Variants in STK32B observed in about 807,000 individuals in gnomAD.
The protein encoded by STK32B is serine/threonine kinase 32B, also known as serine/threonine-protein kinase 32B.
In STK32B, 43 loss-of-function variants were observed where a neutral mutation model predicts 52.6. The ratio of observed to expected loss-of-function variants is 0.82; its 90% CI spans 0.64 to 1.05. The LOEUF (loss-of-function observed/expected upper bound fraction) is 1.05. Ranked by LOEUF, STK32B falls within the 50% of genes least tolerant of loss-of-function variation. STK32B has a pLI of 0.00. For missense variants in STK32B, 621 were observed against 534.6 expected (o/e 1.16, Z -1.59); for synonymous variants, 238 against 204.3 (o/e 1.17, Z -1.41).
intron 6 of STK32B, among the ~76,000 whole-genome samples, chr4:5,417,224 C>T (rs1200539701): frequency 6.6e-6 from 1 of 152,214 alleles, no homozygotes; most frequent in Non-Finnish European, 1.5e-5. Flanking sequence ...ATTTTCTTTT[C>T]CATTTATGTT....
intron 3 of STK32B, among the ~76,000 whole-genome samples, chr4:5,228,749 C>G (rs1044235250): frequency 6.6e-6 from 1 of 152,152 alleles, no homozygotes; most frequent in African/African-American, 2.4e-5. Context: ...GGGTGGATCA[C>G]CTGAGGTCAA....
chr4:5,369,076 T>C (rs73211161), intron 4 of STK32B, among the ~76,000 whole-genome samples: 99 of 152,130 alleles, frequency 6.5e-4, no homozygotes, highest in Non-Finnish European at 1.2e-3. Flanking sequence ...TCCTAGCCAA[T>C]GAGGTGTGAG....
At chr4:5,032,279 G>A in the STK32B span, among the ~76,000 whole-genome samples, 1 of 151,584 alleles carries the variant, frequency 6.6e-6, no homozygotes. Flanking sequence ...TTCGAGAGCA[G>A]TCTGGACAAC....
At position 5,154,168 on chromosome 4, in the gene STK32B, A is replaced by G. The variant is rs186913639; in HGVS notation, c.109-14131A>G. ...AATAATAATGGAATTTGAGAGTCCTACTAATCTATGGCTGGATGGCCTTTT... is the reference window on the plus strand; with the variant it reads ...AATAATAATGGAATTTGAGAGTCCTGCTAATCTATGGCTGGATGGCCTTTT... On this transcript the variant is annotated intron_variant, in intron 2 of 11. Coordinates refer to ENST00000282908, the MANE Select transcript of STK32B (RefSeq NM_018401.3). Among the ~76,000 whole-genome samples, 20 of 151,960 alleles carry G rather than the reference A, an allele frequency of 1.3e-4. No homozygotes were observed. The East Asian group carries it at 3.3e-3, about 25-fold the overall frequency.
chr4:5,093,409 A>G (rs1713203106), intron 1 of STK32B, among the ~76,000 whole-genome samples: 2 of 152,202 alleles, frequency 1.3e-5, no homozygotes, highest in South Asian at 2.1e-4. Flanking sequence ...TCCTGTTGCT[A>G]TTGTGGTGAG....
chr4:5,243,384 G>A (rs1725186854), intron 3 of STK32B, among the ~76,000 whole-genome samples: 1 of 152,136 alleles, frequency 6.6e-6, no homozygotes, highest in Non-Finnish European at 1.5e-5. Flanking sequence ...CTGTTTGTCT[G>A]TTATTGGTGT....
chr4:5,430,944 C>T (rs2109091200), intron 6 of STK32B, among the ~76,000 whole-genome samples: 1 of 152,294 alleles, frequency 6.6e-6, no homozygotes, highest in Admixed American at 6.5e-5. Context: ...TTTCTAGTTC[C>T]TTGACACTTG....
chr4:5,075,152 T>G (rs960240139), intron 1 of STK32B, among the ~76,000 whole-genome samples: 3 of 152,178 alleles, frequency 2.0e-5, no homozygotes, highest in African/African-American at 7.2e-5. Flanking sequence ...TAGTATAAAT[T>G]CTCAACAATG....
intron 3 of STK32B, among the ~76,000 whole-genome samples, chr4:5,218,232 G>C (rs186738965): frequency 1.3e-5 from 2 of 152,314 alleles, no homozygotes. Context: ...GATGTGAGTA[G>C]TGGCAAAGAA....
chr4:5,072,316 A>G (rs1032359268), intron 1 of STK32B, among the ~76,000 whole-genome samples: 3 of 152,038 alleles, frequency 2.0e-5, no homozygotes, highest in African/African-American at 4.8e-5. Flanking sequence ...GAAACCTCCA[A>G]TTGCACTCCT....
At chr4:5,232,519 G>C (rs1170158083) in intron 3 of STK32B, among the ~76,000 whole-genome samples, 1 of 152,098 alleles carries the variant, frequency 6.6e-6, no homozygotes, top group Non-Finnish European at 1.5e-5. Flanking sequence ...CAAGTTAAGG[G>C]ACTCCTTGAA....
At chr4:5,090,419 A>C (rs1167888349) in intron 1 of STK32B, among the ~76,000 whole-genome samples, 33 of 126,360 alleles carry the variant, frequency 2.6e-4, no homozygotes, top group Non-Finnish European at 3.9e-4. Flanking sequence ...TCTGTCACCC[A>C]GGCTAGAGTG....
In STK32B at chr4:5,396,131, A is replaced by G. The variant is rs1354156440; in HGVS notation, c.435-2076A>G. ...ACTGCAAAATCGGTGGCTTAAAACA[A>G]TACAAATTTATTCTCTCATAATTCC... On this transcript the variant is annotated intron_variant, in intron 4 of 11. Coordinates refer to ENST00000282908, the MANE Select transcript of STK32B (RefSeq NM_018401.3). The surrounding 1 kb of genome is among the most constrained non-coding windows in gnomAD (Gnocchi z 4.7). 1.3e-5 allele frequency among the ~76,000 whole-genome samples: 2 copies of G among 152,196 alleles called. No homozygotes were observed. Among genetic ancestry groups the G allele is most frequent in the African/African-American group, 2.4e-5 (1 of 41,448 alleles).
intron 3 of STK32B, among the ~76,000 whole-genome samples, chr4:5,304,740 C>T (rs1004134689): frequency 6.6e-6 from 1 of 151,686 alleles, no homozygotes; most frequent in African/African-American, 2.4e-5. Context: ...GTGGTGAAAG[C>T]GGGCATCCTT....
chr4:5,270,153 A>G (rs1170681734), intron 3 of STK32B, among the ~76,000 whole-genome samples: 1 of 152,214 alleles, frequency 6.6e-6, no homozygotes, highest in Non-Finnish European at 1.5e-5. Context: ...CTAGAGGGAC[A>G]GAATGAATAG....
Position 5,317,263 on chromosome 4 carries a change from TATATATA to T in STK32B, c.261-13948_261-13942del, listed in dbSNP as rs1264336110. On this transcript the variant is annotated intron_variant, in intron 3 of 11. Transcript: ENST00000282908. ...TATATATTATATATAACATATAACA[TATATATA>T]ATATATAACATATAACATATATATA... Among the ~76,000 whole-genome samples, 5 of 25,584 alleles carry T rather than the reference TATATATA, an allele frequency of 2.0e-4. No homozygotes were observed. In the South Asian group the frequency reaches 3.8e-3, roughly 19 times the overall value. 16.8% of individuals were successfully genotyped at this position (25,584 alleles called of 152,430 possible). A position where few individuals can be genotyped will look rare whatever the true frequency, so the allele number is the denominator to read the frequency against.
intron 11 of STK32B, among the ~76,000 whole-genome samples, chr4:5,479,308 AG>A (rs1718499739): frequency 6.6e-6 from 1 of 151,794 alleles, no homozygotes. Context: ...TAGTAGAGGC[AG>A]GGTTTCACCA....
intron 3 of STK32B, among the ~76,000 whole-genome samples, chr4:5,282,977 A>T (rs1390368609): frequency 1.3e-5 from 2 of 152,190 alleles, no homozygotes; most frequent in Non-Finnish European, 2.9e-5. Flanking sequence ...ACAATACATT[A>T]TGATTTACTG....
chr4:5,338,427 C>T (rs1732850497), intron 4 of STK32B, among the ~76,000 whole-genome samples: 1 of 152,150 alleles, frequency 6.6e-6, no homozygotes, highest in Admixed American at 6.6e-5. Context: ...GTAGAGTATG[C>T]TTCTGTTCCT....
Sources: allele counts gnomAD v4.1 joint callset (sites outside exome capture counted in the v4.1 genomes callset), GRCh38; gene constraint gnomAD v4.1.1; non-coding constraint Gnocchi (gnomAD v3.1); transcripts MANE v1.5; gene names NCBI Gene and HGNC (gene_info 2026-07-23, HGNC 2026-07-21).